AGBL4: variants seen among roughly 807,000 people sequenced by gnomAD.
AGBL4 encodes the protein cytosolic carboxypeptidase 6.
Under a neutral mutation model 66.4 loss-of-function variants are expected in AGBL4, and 58 were observed. The observed-to-expected ratio is 0.87, with a 90% confidence interval of 0.71 to 1.09. The LOEUF is 1.09. AGBL4 is among the 50% of genes least tolerant of loss of function. The pLI is 0.00. For synonymous variants in AGBL4, 234 were observed against 222.9 expected, an observed-to-expected ratio of 1.05 and a Z score of -0.44; for missense variants, 579 against 631.0, an observed-to-expected ratio of 0.92 and a Z score of 0.88.
chr1:49,420,982 A>G (rs571371856), intron 3 of AGBL4, among the ~76,000 whole-genome samples: 1 of 152,312 alleles, frequency 6.6e-6, no homozygotes, highest in African/African-American at 2.4e-5. Flanking sequence ...CAATGCTAGA[A>G]CACAAGTAAG....
intron 6 of AGBL4, among the ~76,000 whole-genome samples, chr1:48,834,964 T>G (rs980923023): frequency 6.6e-6 from 1 of 152,194 alleles, no homozygotes; most frequent in Non-Finnish European, 1.5e-5. Context: ...CCTTGTGATT[T>G]GTTCTTATAA....
chr1:48,753,705 C>T (rs902125497), intron 6 of AGBL4, among the ~76,000 whole-genome samples: 1 of 152,206 alleles, frequency 6.6e-6, no homozygotes, highest in African/African-American at 2.4e-5. Context: ...ATTCTCCTCT[C>T]TAAAACGGAG....
chr1:49,159,760 C>T (rs945362407), intron 4 of AGBL4, among the ~76,000 whole-genome samples: 5 of 152,046 alleles, frequency 3.3e-5, no homozygotes, highest in African/African-American at 1.2e-4. Flanking sequence ...TTTGTTCATT[C>T]CTTTTCATTC....
intron 5 of AGBL4, among the ~76,000 whole-genome samples, chr1:49,042,790 ATG>A (rs1479777286): frequency 6.6e-6 from 1 of 152,164 alleles, no homozygotes. Flanking sequence ...AATTTTATAT[ATG>A]TTATTTTGAA....
chr1:49,529,034 G>C (rs1388702721), intron 3 of AGBL4, among the ~76,000 whole-genome samples: 1 of 152,012 alleles, frequency 6.6e-6, no homozygotes, highest in Non-Finnish European at 1.5e-5. Context: ...AAAGTTATAA[G>C]ATCAGATTAT....
intron 5 of AGBL4, among the ~76,000 whole-genome samples, chr1:48,998,782 C>T (rs1400449716): frequency 3.3e-5 from 5 of 152,120 alleles, no homozygotes; most frequent in East Asian, 1.9e-4. Context: ...GAGAAATGAA[C>T]GTCATTGTTC....
At position 48,769,567 on chromosome 1, in the gene AGBL4, ACAC is replaced by A. The variant is rs1175981250; in HGVS notation, c.634+97621_634+97623del. ...CACACACACACACACACACACACAC[ACAC>A]AAGTTAAATTTTAAACTTGTATGCT... is the stretch of plus-strand genomic sequence containing the variant. On this transcript the variant is annotated intron_variant, in intron 6 of 13. Transcript: ENST00000371839. 9.1e-3 allele frequency among the ~76,000 whole-genome samples: 1,328 copies of A among 146,508 alleles called. 21 individuals carry two copies. Among genetic ancestry groups the A allele is most frequent in the African/African-American group, 0.031 (1,193 of 38,702 alleles).
In AGBL4 at chr1:48,732,145, A is replaced by G. The variant is rs573530640; in HGVS notation, c.635-68904T>C. Among the ~76,000 whole-genome samples, 11 of 152,240 alleles carry G rather than the reference A, an allele frequency of 7.2e-5. No homozygotes were observed. The South Asian group carries it at 1.9e-3, about 26-fold the overall frequency. On this transcript the variant is annotated intron_variant, in intron 6 of 13. Coordinates refer to ENST00000371839, the MANE Select transcript of AGBL4 (RefSeq NM_032785.4). ...AGTGAGGGATGTGGAGGAGTCAAGG[A>G]TGAGACCTGGGTGCCTGGCTGGTGG...
At chr1:49,011,774 C>T (rs1038958487) in intron 5 of AGBL4, among the ~76,000 whole-genome samples, 24 of 151,158 alleles carry the variant, frequency 1.6e-4, no homozygotes, top group Admixed American at 6.6e-4. Flanking sequence ...AGTAAACTAT[C>T]GCAAGAACCA....
chr1:49,503,300 T>A (rs759722109), intron 3 of AGBL4, among the ~76,000 whole-genome samples: 2 of 152,140 alleles, frequency 1.3e-5, no homozygotes, highest in African/African-American at 2.4e-5. Flanking sequence ...TTTCAGAGGA[T>A]GTATGCAAAC....
At chr1:48,549,486 G>C (rs938096420) in intron 11 of AGBL4, among the ~76,000 whole-genome samples, 24 of 152,094 alleles carry the variant, frequency 1.6e-4, no homozygotes, top group African/African-American at 5.1e-4. Flanking sequence ...GAGGGAGAGG[G>C]AGAAAGAGAG....
chr1:48,674,886 A>G (rs1361726224), intron 6 of AGBL4, among the ~76,000 whole-genome samples: 5 of 151,962 alleles, frequency 3.3e-5, no homozygotes, highest in South Asian at 2.1e-4. Flanking sequence ...GTTCCCTCCC[A>G]GCCCCTTCTG....
chr1:49,009,854 A>C (rs931434041), intron 5 of AGBL4, among the ~76,000 whole-genome samples: 5 of 152,158 alleles, frequency 3.3e-5, no homozygotes, highest in African/African-American at 1.2e-4. Flanking sequence ...ACTCTCAATA[A>C]ATTAGGTATT....
At chr1:49,899,337 G>A (rs1206247302) in intron 1 of AGBL4, among the ~76,000 whole-genome samples, 1 of 151,962 alleles carries the variant, frequency 6.6e-6, no homozygotes, top group South Asian at 2.1e-4. Flanking sequence ...GGTGATTATA[G>A]TCAATAATAA....
intron 1 of AGBL4, among the ~76,000 whole-genome samples, chr1:49,921,095 T>A (rs1652184474): frequency 6.6e-6 from 1 of 150,844 alleles, no homozygotes; most frequent in African/African-American, 2.4e-5. Flanking sequence ...TGTCGTGGGG[T>A]GGGAGTATGG....
At chr1:48,674,296 A>G (rs1646327408) in intron 6 of AGBL4, among the ~76,000 whole-genome samples, 1 of 152,196 alleles carries the variant, frequency 6.6e-6, no homozygotes, top group African/African-American at 2.4e-5. Flanking sequence ...GCTATCGGTT[A>G]TTGAGTGATG....
chr1:49,552,412 G>C (rs1653037215), intron 3 of AGBL4, among the ~76,000 whole-genome samples: 2 of 152,188 alleles, frequency 1.3e-5, no homozygotes, highest in Non-Finnish European at 2.9e-5. Context: ...CTACCATCCT[G>C]ATGAGTCCCT....
intron 2 of AGBL4, among the ~76,000 whole-genome samples, chr1:49,747,411 T>C (rs1274089629): frequency 2.0e-5 from 3 of 152,136 alleles, no homozygotes; most frequent in Non-Finnish European, 4.4e-5. Context: ...GTTTTATGAC[T>C]GTGGGATAAA....
intron 3 of AGBL4, among the ~76,000 whole-genome samples, chr1:49,381,042 A>G (rs151090938): frequency 0.011 from 1,671 of 152,310 alleles, 26 homozygotes; most frequent in African/African-American, 0.039. Flanking sequence ...AGAAACTACC[A>G]TCAGAGTGAA....
Sources: allele counts gnomAD v4.1 joint callset (sites outside exome capture counted in the v4.1 genomes callset), GRCh38; gene constraint gnomAD v4.1.1; transcripts MANE v1.5; gene names NCBI Gene and HGNC (gene_info 2026-07-23, HGNC 2026-07-21).